SYT1: variants seen among roughly 807,000 people sequenced by gnomAD.
The protein encoded by SYT1 is synaptotagmin 1.
SYT1 carries 8 observed loss-of-function variants against 44.8 expected under a neutral mutation model. The observed-to-expected ratio is 0.18, with a 90% CI of 0.10 to 0.32. SYT1 has a LOEUF of 0.32. Among genes scored for constraint, SYT1 ranks in the 10% least tolerant of loss-of-function variants. The pLI is 1.00. For synonymous variants in SYT1, 154 were observed against 188.8 expected (o/e 0.82, Z 1.51); for missense variants, 286 against 509.3 (o/e 0.56, Z 4.22).
intron 8 of SYT1, among the ~76,000 whole-genome samples, chr12:79,340,388 C>T (rs893846819): frequency 5.3e-5 from 8 of 152,092 alleles, no homozygotes; most frequent in African/African-American, 1.9e-4. Flanking sequence ...TCCTTCACAT[C>T]CCTTGTAAGT....
chr12:79,029,652 G>T (rs1872724193), intron 2 of SYT1, among the ~76,000 whole-genome samples: 1 of 151,100 alleles, frequency 6.6e-6, no homozygotes, highest in Admixed American at 6.6e-5. Context: ...TATTTATGTA[G>T]ATATGCTAAG....
Position 78,866,913 on chromosome 12 carries a change from C to T in SYT1, c.-217+1804C>T, listed in dbSNP as rs148007575. ...TTTAATATATAAGTTTACACACCAA[C>T]TTAGAGAAGAGCTGAATTCATTTGC... On this transcript the variant is annotated intron_variant, in intron 1 of 10. Coordinates refer to ENST00000261205, the MANE Select transcript of SYT1 (RefSeq NM_005639.3). Among the ~76,000 whole-genome samples the T allele has an allele frequency of 2.0e-3, 312 of 152,240 alleles. 1 individual carries two copies. The highest frequency in any genetic ancestry group is 7.3e-3 in the African/African-American group (303 of 41,560).
chr12:78,925,079 T>G (rs1023674483), intron 1 of SYT1, among the ~76,000 whole-genome samples: 1 of 151,938 alleles, frequency 6.6e-6, no homozygotes, highest in Non-Finnish European at 1.5e-5. Context: ...TCACTACATA[T>G]CTATTTCTAT....
intron 1 of SYT1, among the ~76,000 whole-genome samples, chr12:78,934,244 A>T (rs1194937018): frequency 6.6e-6 from 1 of 151,880 alleles, no homozygotes; most frequent in Admixed American, 6.6e-5. Flanking sequence ...CACCTTGAAT[A>T]ACCGTCATGT....
chr12:79,345,185 G>C (rs1166087707), intron 8 of SYT1, among the ~76,000 whole-genome samples: 2 of 152,150 alleles, frequency 1.3e-5, no homozygotes, highest in African/African-American at 4.8e-5. Context: ...GTTAAAAGGG[G>C]AAAACTAGAA....
chr12:79,045,198 T>C (rs556205040), intron 2 of SYT1, among the ~76,000 whole-genome samples: 2 of 152,242 alleles, frequency 1.3e-5, no homozygotes, highest in Non-Finnish European at 1.5e-5. Flanking sequence ...GCCCGGGCAA[T>C]GGCGGGCGCC....
intron 6 of SYT1, 148 bp downstream of exon 6, chr12:79,292,278 CA>C (rs1879624698): frequency 2.0e-6 from 2 of 984,594 alleles, no homozygotes; most frequent in Admixed American, 5.8e-5. Context: ...TTTCTAAGAA[CA>C]GGCAGTCCCC....
chr12:78,973,987 A>G (rs1185780325), intron 1 of SYT1, among the ~76,000 whole-genome samples: 4 of 98,416 alleles, frequency 4.1e-5, no homozygotes, highest in Non-Finnish European at 5.9e-5. Context: ...ATATATATAT[A>G]TGCAGTCATG....
rs958586270 is a variant in SYT1 at position 79,047,330 on chromosome 12, AG to A, written c.-49del. 6.6e-6 allele frequency: 1 copy of A among 151,894 alleles called. No homozygotes were observed. Among genetic ancestry groups the A allele is most frequent in the African/African-American group, 2.4e-5 (1 of 41,452 alleles). The allele number at this position is 151,894 out of a possible 1,614,324, so 9.4% of individuals were successfully genotyped here. ...AATAATTCTGAAAGAAAGAAAACAAAGAAAAACATACTCCAGAATTCCTAAT... is the reference window on the plus strand; with the variant it reads ...AATAATTCTGAAAGAAAGAAAACAAAAAAAACATACTCCAGAATTCCTAAT... On this transcript the variant is annotated 5_prime_UTR_variant, in exon 3 of 11. Transcript: ENST00000261205.
intron 3 of SYT1, among the ~76,000 whole-genome samples, chr12:79,201,715 G>A (rs993188539): frequency 1.3e-5 from 2 of 152,160 alleles, no homozygotes; most frequent in Non-Finnish European, 2.9e-5. Flanking sequence ...ACAATCTTGA[G>A]CTACACAATA....
intron 4 of SYT1, among the ~76,000 whole-genome samples, chr12:79,223,601 A>G (rs984977936): frequency 6.6e-6 from 1 of 152,194 alleles, no homozygotes; most frequent in Non-Finnish European, 1.5e-5. Flanking sequence ...GGTCCACAAC[A>G]GCAAGCACAG....
At chr12:79,377,133 A>G in intron 9 of SYT1, among the ~76,000 whole-genome samples, 1 of 87,728 alleles carries the variant, frequency 1.1e-5, no homozygotes, top group Non-Finnish European at 2.0e-5. Context: ...TTTTTTTGAG[A>G]CAGAGTCTCG....
intron 9 of SYT1, among the ~76,000 whole-genome samples, chr12:79,440,040 A>G (rs993169383): frequency 1.3e-5 from 2 of 152,174 alleles, no homozygotes; most frequent in African/African-American, 4.8e-5. Flanking sequence ...AGCCTGGCCA[A>G]CATGGTGAAA....
intron 3 of SYT1, among the ~76,000 whole-genome samples, chr12:79,175,323 C>T (rs1871790561): frequency 6.6e-6 from 1 of 151,992 alleles, no homozygotes; most frequent in Admixed American, 6.6e-5. Context: ...ACGGTATGCT[C>T]ATCAGTATAG....
intron 8 of SYT1, among the ~76,000 whole-genome samples, chr12:79,315,235 G>C (rs753274497): frequency 6.6e-6 from 1 of 151,788 alleles, no homozygotes; most frequent in Non-Finnish European, 1.5e-5. Flanking sequence ...ATTTGAGACA[G>C]GGTCTCTTTT....
At chr12:79,122,755 A>G (rs1182642374) in intron 3 of SYT1, among the ~76,000 whole-genome samples, 3 of 152,100 alleles carry the variant, frequency 2.0e-5, no homozygotes, top group African/African-American at 7.2e-5. Context: ...TTTTAAGGTA[A>G]TGCTTTGTTT....
At chr12:78,874,424 G>A (rs1873963756) in intron 1 of SYT1, among the ~76,000 whole-genome samples, 1 of 151,444 alleles carries the variant, frequency 6.6e-6, no homozygotes, top group Non-Finnish European at 1.5e-5. Flanking sequence ...GAGCATGATG[G>A]CAATAGGATA....
chr12:78,878,998 G>C (rs1462914), intron 1 of SYT1, among the ~76,000 whole-genome samples: 2 of 151,382 alleles, frequency 1.3e-5, no homozygotes, highest in African/African-American at 2.4e-5. Flanking sequence ...CCCTGTAAAA[G>C]ATACATAAAA....
chr12:79,341,213 C>A (rs1882358717), intron 8 of SYT1: 1 of 152,136 alleles, frequency 6.6e-6, no homozygotes, highest in Admixed American at 6.5e-5. Context: ...GTTTAGAAGT[C>A]ATTTATTTAT....
Sources: allele counts gnomAD v4.1 joint callset (sites outside exome capture counted in the v4.1 genomes callset), GRCh38; gene constraint gnomAD v4.1.1; transcripts MANE v1.5; gene names NCBI Gene and HGNC (gene_info 2026-07-23, HGNC 2026-07-21).